TSPAN12: variants seen among roughly 807,000 people sequenced by gnomAD.
TSPAN12 encodes tetraspanin-12.
A neutral mutation model predicts 39.2 loss-of-function variants in TSPAN12; 19 were observed. The ratio of observed to expected loss-of-function variants is 0.49; its 90% confidence interval spans 0.34 to 0.71. The LOEUF is 0.71. TSPAN12 is among the 30% of genes least tolerant of loss of function. The probability of loss-of-function intolerance (pLI) is 0.01; values close to 1 mark genes in which losing one functional copy is unlikely to be tolerated. For synonymous variants in TSPAN12, 119 were observed against 124.8 expected, an observed-to-expected ratio of 0.95 and a Z score of 0.31; for missense variants, 314 against 359.9, an observed-to-expected ratio of 0.87 and a Z score of 1.03.
intron 4 of TSPAN12, among the ~76,000 whole-genome samples, chr7:120,823,886 CAAT>C (rs1410805872): frequency 6.6e-6 from 1 of 152,062 alleles, no homozygotes; most frequent in African/African-American, 2.4e-5. Context: ...TTAAAACAAA[CAAT>C]AGCCCTCTGG....
At chr7:120,799,482 TTA>T (rs1290587942) in intron 7 of TSPAN12, among the ~76,000 whole-genome samples, 31 of 113,876 alleles carry the variant, frequency 2.7e-4, no homozygotes, top group African/African-American at 1.0e-4. Context: ...ATTTTTATAA[TTA>T]TATATAATTA....
At chr7:120,811,127 C>T (rs1465387640) in intron 5 of TSPAN12, among the ~76,000 whole-genome samples, 1 of 152,124 alleles carries the variant, frequency 6.6e-6, no homozygotes, top group Non-Finnish European at 1.5e-5. Context: ...AACAGTTCTC[C>T]ACTTTTACAC....
At chr7:120,820,448 C>T (rs1318538937) in intron 4 of TSPAN12, among the ~76,000 whole-genome samples, 1 of 152,156 alleles carries the variant, frequency 6.6e-6, no homozygotes, top group Non-Finnish European at 1.5e-5. Flanking sequence ...GACTTGTCCT[C>T]TCTTTCCGTA....
intron 2 of TSPAN12, among the ~76,000 whole-genome samples, chr7:120,854,052 A>T (rs1192225686): frequency 6.6e-6 from 1 of 152,188 alleles, no homozygotes; most frequent in East Asian, 1.9e-4. Context: ...TATATGAAAA[A>T]TATACATAAA....
chr7:120,790,579 A>G lies in TSPAN12; in HGVS notation c.613-1682T>C, dbSNP rs775962297. Among the ~76,000 whole-genome samples, 22 of 152,216 alleles carry G rather than the reference A, an allele frequency of 1.4e-4. 1 individual carries two copies. Among genetic ancestry groups the G allele is most frequent in the South Asian group, 4.1e-4 (2 of 4,830 alleles). On this transcript the variant is annotated intron_variant, in intron 7 of 7. Transcript: ENST00000222747. The stretch of plus-strand genomic sequence containing the variant: ...AGTACGAGGCACAACACTTCATGAA[A>G]GAGTATGAAAACACCAGAAGCACAG...
intron 4 of TSPAN12, among the ~76,000 whole-genome samples, chr7:120,829,578 G>A (rs1221599006): frequency 6.6e-6 from 1 of 152,118 alleles, no homozygotes; most frequent in African/African-American, 2.4e-5. Flanking sequence ...AAGGAAGTTA[G>A]TAGAGAGACA....
At chr7:120,852,586 T>C (rs1319967469) in intron 2 of TSPAN12, among the ~76,000 whole-genome samples, 1 of 152,212 alleles carries the variant, frequency 6.6e-6, no homozygotes, top group Admixed American at 6.5e-5. Flanking sequence ...AATCCAAATC[T>C]GCATTTTAAC....
chr7:120,824,313 A>G, intron 4 of TSPAN12, among the ~76,000 whole-genome samples: 1 of 151,526 alleles, frequency 6.6e-6, no homozygotes, highest in East Asian at 1.9e-4. Context: ...ATGATGGCAC[A>G]CCCCTATAGT....
At chr7:120,840,251 T>C in intron 2 of TSPAN12, 142 bp from the exon 3 acceptor site, 2 of 737,806 alleles carry the variant, frequency 2.7e-6, no homozygotes. Flanking sequence ...ACTATTACTA[T>C]AAATAACTGC....
intron 2 of TSPAN12, among the ~76,000 whole-genome samples, chr7:120,851,034 C>T (rs1185547240): frequency 6.6e-6 from 1 of 152,116 alleles, no homozygotes; most frequent in Non-Finnish European, 1.5e-5. Flanking sequence ...TAAAAGACCA[C>T]AAATATTTGT....
At chr7:120,818,138 T>G (rs542375715) in intron 4 of TSPAN12, among the ~76,000 whole-genome samples, 32 of 152,124 alleles carry the variant, frequency 2.1e-4, no homozygotes, top group African/African-American at 7.7e-4. Flanking sequence ...TGGCCTTACA[T>G]GGTGAGCTAG....
At chr7:120,834,353 T>A (rs1794439593) in intron 4 of TSPAN12, among the ~76,000 whole-genome samples, 1 of 152,170 alleles carries the variant, frequency 6.6e-6, no homozygotes, top group Admixed American at 6.5e-5. Context: ...TCTATAAATC[T>A]ATCATTCAAA....
Position 120,806,696 on chromosome 7 carries a change from C to CAA in TSPAN12, c.469-6_469-5dup. On this transcript the variant is annotated splice_polypyrimidine_tract_variant and splice_region_variant and intron_variant, in intron 6 of 7. Coordinates refer to ENST00000222747, the MANE Select transcript of TSPAN12 (RefSeq NM_012338.4). The stretch of plus-strand genomic sequence containing the variant: ...ATACTACTCCACAGCACTTAAACTG[C>CAA]AAAAAAAATCACTAGTCAGCCTCAG... 3.1e-6 allele frequency: 5 copies of CAA among 1,612,232 alleles called. No homozygotes were observed. Among genetic ancestry groups the CAA allele is most frequent in the Non-Finnish European group, 3.4e-6 (4 of 1,179,022 alleles).
chr7:120,853,175 C>T (rs1000875152), intron 2 of TSPAN12, among the ~76,000 whole-genome samples: 3 of 151,116 alleles, frequency 2.0e-5, no homozygotes, highest in Non-Finnish European at 2.9e-5. Flanking sequence ...CTAACTGCAA[C>T]CTCTGCCTCC....
intron 7 of TSPAN12, among the ~76,000 whole-genome samples, chr7:120,800,755 T>G (rs1034452194): frequency 1.4e-5 from 2 of 141,054 alleles, no homozygotes; most frequent in African/African-American, 5.3e-5. Flanking sequence ...TTTTTTTTTG[T>G]TTTTTTTTTT....
intron 4 of TSPAN12, among the ~76,000 whole-genome samples, chr7:120,827,996 TC>T (rs920703057): frequency 6.6e-6 from 1 of 152,184 alleles, no homozygotes; most frequent in African/African-American, 2.4e-5. Flanking sequence ...ATTTTTAGTA[TC>T]AAATCTGAAC....
At chr7:120,801,189 T>C (rs951410009) in intron 7 of TSPAN12, among the ~76,000 whole-genome samples, 1 of 152,158 alleles carries the variant, frequency 6.6e-6, no homozygotes, top group African/African-American at 2.4e-5. Flanking sequence ...CAAGTCTGTT[T>C]ACCTTCTGTG....
intron 7 of TSPAN12, among the ~76,000 whole-genome samples, chr7:120,800,146 G>A (rs1793738075): frequency 6.6e-6 from 1 of 151,976 alleles, no homozygotes; most frequent in Admixed American, 6.6e-5. Flanking sequence ...GTATAGAGGA[G>A]ACAGGTGAGA....
rs1793444480 is a variant in TSPAN12 at position 120,788,148 on chromosome 7, A to G, written c.*444T>C. The G allele has an allele frequency of 5.8e-6, 1 of 172,790 alleles. No homozygotes were observed. Among genetic ancestry groups the G allele is most frequent in the Non-Finnish European group, 1.2e-5 (1 of 80,458 alleles). The allele number at this position is 172,790 out of a possible 1,614,324, so 10.7% of individuals were successfully genotyped here. On this transcript the variant is annotated 3_prime_UTR_variant, in exon 8 of 8. Transcript: ENST00000222747. Reference sequence around the variant, plus strand: ...AATTTATTTAGCATCAGAAGAATAGATCGCTGAGTAATAAAAGTTATTAGT... The same window carrying G: ...AATTTATTTAGCATCAGAAGAATAGGTCGCTGAGTAATAAAAGTTATTAGT...
Sources: gnomAD v4.1 joint callset for allele counts (sites outside exome capture counted in the v4.1 genomes callset) on GRCh38, gnomAD v4.1.1 for gene constraint, MANE v1.5 for transcripts, NCBI Gene and HGNC (gene_info 2026-07-23, HGNC 2026-07-21) for gene names.